The following UMAD1 variants were observed in gnomAD, a reference collection of about 807,000 sequenced individuals.
The protein encoded by UMAD1 is UBAP1-MVB12-associated (UMA)-domain containing protein 1.
In UMAD1, 8 loss-of-function variants were observed where a neutral mutation model predicts 6.1. The observed-to-expected ratio is 1.30, with a 90% CI of 0.76 to 2.35. UMAD1 has a LOEUF of 2.35. UMAD1 is among the 30% of genes most tolerant of loss of function. UMAD1 has a pLI of 0.00. For missense variants in UMAD1, 130 were observed against 78.4 expected, an observed-to-expected ratio of 1.66 and a Z score of -2.49; for synonymous variants, 56 against 31.4, an observed-to-expected ratio of 1.78 and a Z score of -2.61.
intron 3 of UMAD1, among the ~76,000 whole-genome samples, chr7:7,815,890 A>G (rs534096814): frequency 6.6e-6 from 1 of 152,244 alleles, no homozygotes; most frequent in Admixed American, 6.5e-5. Context: ...TTGCTTTTAG[A>G]AGGTTCATTT....
At chr7:7,756,514 A>G (rs1173879069) in intron 2 of UMAD1, among the ~76,000 whole-genome samples, 1 of 152,154 alleles carries the variant, frequency 6.6e-6, no homozygotes, top group African/African-American at 2.4e-5. Flanking sequence ...TCTTTGTGTG[A>G]AAGCCTCATC....
intron 2 of UMAD1, among the ~76,000 whole-genome samples, chr7:7,796,475 T>C (rs1782684146): frequency 6.6e-6 from 1 of 152,070 alleles, no homozygotes; most frequent in Admixed American, 6.5e-5. Flanking sequence ...GGTTTCGAAC[T>C]CCCAACCTCA....
chr7:7,693,519 T>G (rs1011280748), intron 2 of UMAD1, among the ~76,000 whole-genome samples: 3 of 152,158 alleles, frequency 2.0e-5, no homozygotes, highest in Non-Finnish European at 4.4e-5. Flanking sequence ...ATGTCGATAG[T>G]TCTTTTATTC....
chr7:7,828,333 A>G (rs1158623668), intron 3 of UMAD1, among the ~76,000 whole-genome samples: 2 of 152,148 alleles, frequency 1.3e-5, no homozygotes, highest in Admixed American at 1.3e-4. Context: ...AGCTCTCCCT[A>G]TTTGAGGAGT....
intron 3 of UMAD1, among the ~76,000 whole-genome samples, chr7:7,871,189 G>T (rs1784325451): frequency 6.6e-6 from 1 of 152,122 alleles, no homozygotes; most frequent in South Asian, 2.1e-4. Flanking sequence ...TCACCTTAAT[G>T]ATTTTCTCAG....
rs937121282 is a variant in UMAD1 at position 7,877,409 on chromosome 7, G to T, written c.285G>T (p.Pro95=). 8.4e-6 allele frequency: 6 copies of T among 717,514 alleles called. No homozygotes were observed. The highest frequency in any genetic ancestry group is 3.5e-5 in the African/African-American group (2 of 57,228). 44.4% of individuals were successfully genotyped at this position (717,514 alleles called of 1,614,324 possible). ...GCGATGTGCCGTTCACCCTGGCCCC[G>T]CATGTGCTGGCAGTACAGGGCACCA... ...LLSDVPFTLA[P]HVLAVQGTIT... The change falls in exon 4 of 4, where the codon CCG becomes CCT. Residue 95 remains proline, a synonymous_variant. Transcript: ENST00000682710.
intron 2 of UMAD1, among the ~76,000 whole-genome samples, chr7:7,680,265 T>C (rs540550194): frequency 5.3e-5 from 8 of 152,248 alleles, no homozygotes; most frequent in African/African-American, 9.6e-5. Context: ...CATATAGATA[T>C]CCAGTTTTCC....
intron 3 of UMAD1, among the ~76,000 whole-genome samples, chr7:7,857,269 G>A (rs1355630947): frequency 6.6e-6 from 1 of 152,142 alleles, no homozygotes; most frequent in East Asian, 1.9e-4. Flanking sequence ...ACTATATTCA[G>A]TCCCGGAAAT....
intron 1 of UMAD1, among the ~76,000 whole-genome samples, chr7:7,660,686 AC>A (rs1281968481): frequency 3.9e-5 from 6 of 152,122 alleles, no homozygotes; most frequent in African/African-American, 1.4e-4. Context: ...AGTCTGATGG[AC>A]TTCCCTTTGT....
rs114724190 is a variant in UMAD1 at position 7,774,380 on chromosome 7, C to A, written c.83-27290C>A. 3.9e-3 allele frequency among the ~76,000 whole-genome samples: 596 copies of A among 152,252 alleles called. 7 individuals are homozygous for A. Among genetic ancestry groups the A allele is most frequent in the African/African-American group, 0.014 (562 of 41,540 alleles). The stretch of plus-strand genomic sequence containing the variant: ...ACATGCTAATTACTAGAATCAGAAT[C>A]AAAAAATCTGGATTAAAGTTCCAGC... On this transcript the variant is annotated intron_variant, in intron 2 of 3. Coordinates refer to ENST00000682710, the MANE Select transcript of UMAD1 (RefSeq NM_001302348.2).
intron 3 of UMAD1, among the ~76,000 whole-genome samples, chr7:7,827,139 A>ATGTGTGTG (rs1262642122): frequency 0.013 from 1,688 of 133,888 alleles, 20 homozygotes; most frequent in Non-Finnish European, 0.018. Flanking sequence ...ATATATATAT[A>ATGTGTGTG]TATATATATG....
At chr7:7,665,824 C>CT (rs1331154292) in intron 1 of UMAD1, among the ~76,000 whole-genome samples, 2,529 of 142,996 alleles carry the variant, frequency 0.018, 24 homozygotes, top group Non-Finnish European at 0.027. Context: ...TTTCCATCAG[C>CT]TTTTTTTTTT....
intron 3 of UMAD1, among the ~76,000 whole-genome samples, chr7:7,854,299 G>A (rs1187613958): frequency 7.4e-6 from 1 of 135,812 alleles, no homozygotes; most frequent in Non-Finnish European, 1.5e-5. Context: ...AGGTTGTGGT[G>A]AGCCAAGATG....
chr7:7,735,930 T>C (rs1375634896), intron 2 of UMAD1: 3 of 151,658 alleles, frequency 2.0e-5, no homozygotes, highest in African/African-American at 4.9e-5. Context: ...TGGATCTACA[T>C]TGTTTGTCCA....
Position 7,750,430 on chromosome 7 carries a change from T to G in UMAD1, c.83-51240T>G, listed in dbSNP as rs1235132316. Among the ~76,000 whole-genome samples, 2 of 152,166 alleles carry G rather than the reference T, an allele frequency of 1.3e-5. 1 individual carries two copies. Among genetic ancestry groups the G allele is most frequent in the South Asian group, 4.1e-4 (2 of 4,832 alleles). ...GTTTGTGCTTTTAAATTTGAACTAA[T>G]TGTCTTTGGCAGTTTGAAATGTACA... On this transcript the variant is annotated intron_variant, in intron 2 of 3. Transcript: ENST00000682710.
chr7:7,726,826 A>T (rs1300005558), intron 2 of UMAD1, among the ~76,000 whole-genome samples: 2 of 152,294 alleles, frequency 1.3e-5, no homozygotes, highest in East Asian at 3.9e-4. Context: ...CAGTCTAAGG[A>T]GGGAGATACA....
chr7:7,680,612 C>T (rs1029292170), intron 2 of UMAD1, among the ~76,000 whole-genome samples: 2 of 151,988 alleles, frequency 1.3e-5, no homozygotes, highest in African/African-American at 4.8e-5. Context: ...TGCATTGAAT[C>T]TGTAGATTGT....
chr7:7,795,398 CCTTGATTCT>C (rs1403149086), intron 2 of UMAD1, among the ~76,000 whole-genome samples: 1 of 152,136 alleles, frequency 6.6e-6, no homozygotes, highest in Non-Finnish European at 1.5e-5. Flanking sequence ...TGCCTGTGTT[CCTTGATTCT>C]TAAGAGAGAG....
intron 3 of UMAD1, among the ~76,000 whole-genome samples, chr7:7,860,515 C>T (rs1258391010): frequency 6.7e-6 from 1 of 149,556 alleles, no homozygotes; most frequent in Non-Finnish European, 1.5e-5. Context: ...AATCTCAGCA[C>T]TTTGGGAGGC....
Sources: gnomAD v4.1 joint callset for allele counts (sites outside exome capture counted in the v4.1 genomes callset) on GRCh38, gnomAD v4.1.1 for gene constraint, MANE v1.5 for transcripts, NCBI Gene and HGNC (gene_info 2026-07-23, HGNC 2026-07-21) for gene names.